The following SEMA3C variants were observed in gnomAD, a reference collection of about 807,000 sequenced individuals.
SEMA3C encodes semaphorin 3C.
In SEMA3C, 47 loss-of-function variants were observed where a neutral mutation model predicts 89.4. That is an observed-to-expected ratio of 0.53 (90% CI 0.42 to 0.67). SEMA3C has a LOEUF of 0.67. Ranked by LOEUF, SEMA3C falls within the 30% of genes least tolerant of loss-of-function variation. The probability of loss-of-function intolerance (pLI) is 0.00; values close to 1 mark genes in which losing one functional copy is unlikely to be tolerated. For synonymous variants in SEMA3C, 310 were observed against 320.2 expected (o/e 0.97, Z 0.34); for missense variants, 839 against 929.1 (o/e 0.90, Z 1.26).
rs752569288 is a variant in SEMA3C, at chr7:80,748,950, G to A, written c.1790C>T (p.Pro597Leu). The A allele has an allele frequency of 6.2e-6, 10 of 1,613,162 alleles. No homozygotes were observed. In the East Asian group the frequency reaches 6.7e-5, roughly 11 times the overall value. Residue 597 changes from proline to leucine, a missense_variant, in exon 17 of 18, where the codon CCG (proline) becomes CTG (leucine). Pro to Leu is a moderately conservative substitution (Grantham distance 98). Coordinates refer to ENST00000265361, the MANE Select transcript of SEMA3C (RefSeq NM_006379.5). ...TAACAGCCACTTGATAGATGCCTGC[G>A]GAGACTTGGGGGCACACTCCAGAAA... is the stretch of plus-strand genomic sequence containing the variant. ...TTFLECAPKS[P>L]QASIKWLLQK...
At chr7:80,758,593 G>A in intron 14 of SEMA3C, 105 bp from the exon 15 acceptor site, 1 of 1,154,266 alleles carries the variant, frequency 8.7e-7, no homozygotes, top group Admixed American at 2.0e-5. Flanking sequence ...GATTCATTTT[G>A]GAACCGATTA....
At chr7:80,765,076 T>C in intron 13 of SEMA3C, 79 bp downstream of exon 13, 1 of 899,676 alleles carries the variant, frequency 1.1e-6, no homozygotes, top group Non-Finnish European at 1.7e-6. Context: ...TCAAATATAG[T>C]TTCCTCCCAA....
chr7:80,759,300 C>A (rs138038000), intron 14 of SEMA3C, among the ~76,000 whole-genome samples: 624 of 152,232 alleles, frequency 4.1e-3, no homozygotes, highest in South Asian at 7.7e-3. Flanking sequence ...AAGCTGAAAC[C>A]TGATGCAGTT....
At chr7:80,791,005 T>C (rs2115594625) in intron 11 of SEMA3C, among the ~76,000 whole-genome samples, 1 of 152,248 alleles carries the variant, frequency 6.6e-6, no homozygotes, top group South Asian at 2.1e-4. Flanking sequence ...TCATTGATTG[T>C]ATCTGGCCTG....
Position 80,916,713 on chromosome 7 carries a change from G to A in SEMA3C, c.69C>T (p.Ser23=). The A allele has an allele frequency of 3.1e-6, 5 of 1,613,382 alleles. No homozygotes were observed. The highest frequency in any genetic ancestry group is 4.2e-6 in the Non-Finnish European group (5 of 1,179,686). ...FICSICVKGS[S]QPQARVYLTF... is the part of the protein sequence containing the mutation. ...TTAAATAAACTCTTGCTTGGGGCTG[G>A]GAAGATCCTTTCACACAGATAGAAC... Residue 23 remains serine (S), a synonymous_variant, in exon 2 of 18, where the codon TCC becomes TCT. Coordinates refer to ENST00000265361, the MANE Select transcript of SEMA3C (RefSeq NM_006379.5).
At chr7:80,892,088 T>G (rs144232095) in intron 2 of SEMA3C, among the ~76,000 whole-genome samples, 2 of 152,104 alleles carry the variant, frequency 1.3e-5, no homozygotes, top group Non-Finnish European at 2.9e-5. Context: ...GGCTAGTTCA[T>G]TCAGAGATAC....
At chr7:80,804,980 G>T (rs1489806144) in intron 7 of SEMA3C, among the ~76,000 whole-genome samples, 1 of 151,766 alleles carries the variant, frequency 6.6e-6, no homozygotes, top group Non-Finnish European at 1.5e-5. Context: ...TTTTGTTTTT[G>T]TTTTTTTAAT....
chr7:80,909,879 G>C (rs1182205943), intron 2 of SEMA3C, among the ~76,000 whole-genome samples: 1 of 152,036 alleles, frequency 6.6e-6, no homozygotes, highest in Non-Finnish European at 1.5e-5. Flanking sequence ...CTTAAAATAT[G>C]GTGTTGAACA....
intron 13 of SEMA3C, among the ~76,000 whole-genome samples, chr7:80,761,900 C>T (rs1175876505): frequency 6.6e-6 from 1 of 151,684 alleles, no homozygotes; most frequent in Non-Finnish European, 1.5e-5. Context: ...ACCAGCCTCG[C>T]CAACATGGTG....
intron 12 of SEMA3C, among the ~76,000 whole-genome samples, chr7:80,773,867 C>G (rs1256435131): frequency 6.6e-6 from 1 of 152,150 alleles, no homozygotes; most frequent in African/African-American, 2.4e-5. Context: ...GCAGTTGCTA[C>G]TCGCAAAAAC....
chr7:80,919,334 C>T (rs1287015606), upstream of SEMA3C: 115 of 985,360 alleles, frequency 1.2e-4, no homozygotes, highest in African/African-American at 1.4e-4. Flanking sequence ...CTCCGCAACC[C>T]TGCTCCTTTC....
intron 12 of SEMA3C, among the ~76,000 whole-genome samples, chr7:80,775,097 C>T (rs376549375): frequency 1.2e-4 from 19 of 152,164 alleles, no homozygotes; most frequent in African/African-American, 4.6e-4. Flanking sequence ...AGTGAACCCA[C>T]AATTCTATAT....
At chr7:80,759,869 C>G (rs562642560) in intron 14 of SEMA3C, among the ~76,000 whole-genome samples, 1 of 152,136 alleles carries the variant, frequency 6.6e-6, no homozygotes, top group Admixed American at 6.6e-5. Context: ...AAATGTTTAT[C>G]GAGTAAATTA....
chr7:80,835,459 C>T (rs1790104258), intron 2 of SEMA3C, among the ~76,000 whole-genome samples: 1 of 152,116 alleles, frequency 6.6e-6, no homozygotes, highest in African/African-American at 2.4e-5. Flanking sequence ...TTGCTACTGA[C>T]AGGATAATTT....
At chr7:80,878,322 G>A (rs771467028) in intron 2 of SEMA3C, among the ~76,000 whole-genome samples, 3 of 152,166 alleles carry the variant, frequency 2.0e-5, no homozygotes, top group Non-Finnish European at 4.4e-5. Context: ...AGGTTGCGGT[G>A]AGCCGAGATT....
intron 11 of SEMA3C, among the ~76,000 whole-genome samples, chr7:80,790,643 A>G (rs1263761186): frequency 6.6e-6 from 1 of 152,106 alleles, no homozygotes; most frequent in Non-Finnish European, 1.5e-5. Context: ...CTGTTACCTC[A>G]CATTCAGTTC....
At chr7:80,854,089 T>C (rs1790579353) in intron 2 of SEMA3C, among the ~76,000 whole-genome samples, 1 of 152,194 alleles carries the variant, frequency 6.6e-6, no homozygotes, top group African/African-American at 2.4e-5. Context: ...CTAATTAATA[T>C]AGTATGTTTA....
intron 12 of SEMA3C, among the ~76,000 whole-genome samples, chr7:80,788,145 G>A (rs1371636240): frequency 6.6e-6 from 1 of 152,124 alleles, no homozygotes; most frequent in Non-Finnish European, 1.5e-5. Flanking sequence ...AAGTACGAGT[G>A]CAATTTATCC....
chr7:80,878,054 A>C (rs1342735813), intron 2 of SEMA3C, among the ~76,000 whole-genome samples: 1 of 152,102 alleles, frequency 6.6e-6, no homozygotes, highest in Non-Finnish European at 1.5e-5. Flanking sequence ...CATTTACATG[A>C]ATTTCTTACT....
Sources: allele counts gnomAD v4.1 joint callset (sites outside exome capture counted in the v4.1 genomes callset), GRCh38; gene constraint gnomAD v4.1.1; transcripts MANE v1.5; gene names NCBI Gene and HGNC (gene_info 2026-07-23, HGNC 2026-07-21).